The following VCL variants were observed in gnomAD, a reference collection of about 807,000 sequenced individuals.
The protein encoded by VCL is vinculin.
In VCL, 47 loss-of-function variants were observed where a neutral mutation model predicts 125.7. That is an observed-to-expected ratio of 0.37 (90% confidence interval 0.30 to 0.48). The LOEUF is 0.48. Among genes scored for constraint, VCL ranks in the 20% least tolerant of loss-of-function variants. The pLI is 0.99. For synonymous variants in VCL, 458 were observed against 514.6 expected (o/e 0.89, Z 1.49); for missense variants, 1,069 against 1,455.5 (o/e 0.73, Z 4.32).
At chr10:74,095,997 A>C (rs2131916724) in intron 12 of VCL, 142 bp downstream of exon 12, 1 of 1,074,088 alleles carries the variant, frequency 9.3e-7, no homozygotes, top group Admixed American at 2.6e-5. Context: ...ATATAAGGAA[A>C]TCTAGAGCTT....
At chr10:74,089,826 G>A (rs753987723) in intron 9 of VCL, among the ~76,000 whole-genome samples, 197 bp from the exon 10 acceptor site, 8 of 152,016 alleles carry the variant, frequency 5.3e-5, no homozygotes, top group Non-Finnish European at 1.0e-4. Context: ...ATGCTAATGG[G>A]TGTAAAAAAA....
intron 7 of VCL, 110 bp from the exon 8 acceptor site, chr10:74,083,256 C>T (rs1019105444): frequency 3.5e-6 from 5 of 1,435,902 alleles, no homozygotes; most frequent in Admixed American, 1.8e-5. Flanking sequence ...TCTATTCACT[C>T]GTCTTGTTTA....
intron 8 of VCL, among the ~76,000 whole-genome samples, chr10:74,085,651 A>G (rs1332469478): frequency 6.6e-6 from 1 of 152,164 alleles, no homozygotes; most frequent in Non-Finnish European, 1.5e-5. Flanking sequence ...TGAAGTTCTA[A>G]AAGATTTTTA....
chr10:74,063,776 C>T (rs984236184), intron 2 of VCL: 1 of 152,104 alleles, frequency 6.6e-6, no homozygotes, highest in Non-Finnish European at 1.5e-5. Flanking sequence ...AATGATGAGC[C>T]AAGATACTGG....
intron 14 of VCL, among the ~76,000 whole-genome samples, chr10:74,101,589 C>T (rs1840058893): frequency 7.5e-6 from 1 of 133,958 alleles, no homozygotes; most frequent in Non-Finnish European, 1.5e-5. Flanking sequence ...CGCTCTGTCG[C>T]CCAGGCCGGA....
intron 1 of VCL, among the ~76,000 whole-genome samples, chr10:74,014,967 G>A (rs1840510347): frequency 6.6e-6 from 1 of 152,170 alleles, no homozygotes; most frequent in African/African-American, 2.4e-5. Flanking sequence ...GGGATTACAG[G>A]TGTGTCACCA....
chr10:74,105,187 T>C lies in VCL; in HGVS notation c.2268T>C (p.Ile756=), dbSNP rs773331333. The C allele has an allele frequency of 1.2e-6, 2 of 1,614,050 alleles. No homozygotes were observed. Among genetic ancestry groups the C allele is most frequent in the Admixed American group, 1.7e-5 (1 of 60,000 alleles). Residue 756 remains isoleucine, a synonymous_variant, in exon 16 of 22, where the codon ATT becomes ATC. Coordinates refer to ENST00000211998, the MANE Select transcript of VCL (RefSeq NM_014000.3). ...PQMLVAGATS[I]ARRANRILLV... ...TGCTGGTTGCTGGGGCAACCAGTAT[T>C]GCTCGTCGGGCCAACCGGATCCTGC... is the stretch of plus-strand genomic sequence containing the variant.
At chr10:74,110,312 T>TA (rs1206027522) in intron 18 of VCL, among the ~76,000 whole-genome samples, 2 of 152,152 alleles carry the variant, frequency 1.3e-5, no homozygotes, top group Non-Finnish European at 2.9e-5. Context: ...ATGAATTATT[T>TA]AAAAAAACAA....
At chr10:74,003,027 C>T (rs1282448047) in intron 1 of VCL, among the ~76,000 whole-genome samples, 1 of 151,386 alleles carries the variant, frequency 6.6e-6, no homozygotes, top group Non-Finnish European at 1.5e-5. Flanking sequence ...GCAACTGGGT[C>T]ATCACTTTTA....
intron 1 of VCL, among the ~76,000 whole-genome samples, chr10:74,004,875 T>G (rs1840292327): frequency 6.6e-6 from 1 of 151,964 alleles, no homozygotes; most frequent in Non-Finnish European, 1.5e-5. Flanking sequence ...TGGCTAATTT[T>G]TGTATTTTTA....
At chr10:74,104,003 C>A in intron 15 of VCL, 75 bp downstream of exon 15, 1 of 1,421,496 alleles carries the variant, frequency 7.0e-7, no homozygotes, top group Non-Finnish European at 9.9e-7. Context: ...GGGACTGGTT[C>A]TGTTACTCAG....
chr10:74,007,948 A>G (rs1840350828), intron 1 of VCL, among the ~76,000 whole-genome samples: 1 of 151,838 alleles, frequency 6.6e-6, no homozygotes, highest in African/African-American at 2.4e-5. Context: ...AATTACAGGC[A>G]CCCACCACCA....
In VCL at chr10:74,105,149, A is replaced by C; in HGVS notation, c.2230A>C (p.Ile744Leu). 6.2e-7 allele frequency: 1 copy of C among 1,614,222 alleles called. No individual in the cohort carries two copies. The change falls in exon 16 of 22, where the codon ATT becomes CTT. Residue 744 changes from isoleucine (I) to leucine (L), a missense_variant. Physicochemically the swap from Ile to Leu is conservative, Grantham distance 5. Around this residue, in one of 6 missense-constraint regions of VCL, gnomAD observed 760 missense variants for 928.9 expected, o/e 0.82. Coordinates refer to ENST00000211998, the MANE Select transcript of VCL (RefSeq NM_014000.3). The stretch of plus-strand genomic sequence containing the variant: ...CAAGTGCAAGGTAGCTATGGCCAAC[A>C]TTCAGCCTCAGATGCTGGTTGCTGG... ...LDKCKVAMANIQPQMLVAGAT... is the reference protein window; with the variant it reads ...LDKCKVAMANLQPQMLVAGAT...
intron 1 of VCL, among the ~76,000 whole-genome samples, chr10:74,002,880 CAAAAA>C (rs777477698): frequency 4.5e-5 from 3 of 66,764 alleles, no homozygotes. Flanking sequence ...GACTCTGTCT[CAAAAA>C]AAAAAAAAAA....
chr10:74,022,443 G>A (rs927837905), intron 1 of VCL, among the ~76,000 whole-genome samples: 2 of 151,822 alleles, frequency 1.3e-5, no homozygotes, highest in African/African-American at 4.8e-5. Context: ...CTACTCCGGA[G>A]GCTAAGGCAG....
intron 11 of VCL, among the ~76,000 whole-genome samples, 178 bp from the exon 12 acceptor site, chr10:74,095,478 A>T (rs1013518987): frequency 3.3e-5 from 5 of 152,054 alleles, no homozygotes; most frequent in African/African-American, 4.8e-5. Context: ...AGTTCCAGCT[A>T]CTTGAGAGGC....
chr10:74,059,162 C>G (rs186065335), intron 2 of VCL, among the ~76,000 whole-genome samples: 27 of 152,222 alleles, frequency 1.8e-4, no homozygotes, highest in Admixed American at 3.9e-4. Flanking sequence ...CGAGACCAGT[C>G]TGGCCAACAT....
chr10:74,055,880 A>G (rs563379477), intron 2 of VCL, among the ~76,000 whole-genome samples: 1 of 152,310 alleles, frequency 6.6e-6, no homozygotes, highest in East Asian at 1.9e-4. Context: ...AGATTTGACA[A>G]GAGAATAAGG....
In VCL at chr10:74,071,751, T is replaced by A. The variant is rs926792640; in HGVS notation, c.499+668T>A. On this transcript the variant is annotated intron_variant, in intron 4 of 21. Transcript: ENST00000211998. The surrounding 1 kb of genome is among the most constrained non-coding windows in gnomAD (Gnocchi z 4.1). Reference sequence around the variant, plus strand: ...TTATCACTTTATAAAATTCATTTGTTTTATGTGAAATGTTGATTTTTAATT... The same window carrying A: ...TTATCACTTTATAAAATTCATTTGTATTATGTGAAATGTTGATTTTTAATT... Among the ~76,000 whole-genome samples, 1 of 152,222 alleles carries A rather than the reference T, an allele frequency of 6.6e-6. No homozygotes were observed. The highest frequency in any genetic ancestry group is 2.4e-5 in the African/African-American group (1 of 41,462).
Sources: allele counts gnomAD v4.1 joint callset (sites outside exome capture counted in the v4.1 genomes callset), GRCh38; gene constraint gnomAD v4.1.1; regional missense constraint gnomAD v4.1.1; non-coding constraint Gnocchi (gnomAD v3.1); transcripts MANE v1.5; gene names NCBI Gene and HGNC (gene_info 2026-07-23, HGNC 2026-07-21).